Variants in CCDC7 observed in about 807,000 individuals in gnomAD.
CCDC7 encodes the protein coiled-coil domain containing 7.
CCDC7 carries 183 observed loss-of-function variants against 196.9 expected under a neutral mutation model. The ratio of observed to expected loss-of-function variants is 0.93; its 90% CI spans 0.82 to 1.05. The LOEUF (loss-of-function observed/expected upper bound fraction) is 1.05. CCDC7 is among the 50% of genes least tolerant of loss of function. The pLI, the probability that CCDC7 is intolerant of heterozygous loss-of-function variation, is 0.00. For missense variants in CCDC7, 1,540 were observed against 1,482.2 expected (o/e 1.04, Z -0.64); for synonymous variants, 525 against 484.6 (o/e 1.08, Z -1.10).
chr10:32,817,399 T>C (rs998353742), intron 31 of CCDC7, among the ~76,000 whole-genome samples: 1 of 152,200 alleles, frequency 6.6e-6, no homozygotes, highest in Non-Finnish European at 1.5e-5. Context: ...TGGAACCAAG[T>C]TGGAAAACAC....
At chr10:32,710,462 C>A (rs573888671) in intron 24 of CCDC7, among the ~76,000 whole-genome samples, 1 of 152,178 alleles carries the variant, frequency 6.6e-6, no homozygotes. Context: ...TCTCAGAGGC[C>A]GTCTGTTGGA....
At chr10:32,744,949 C>T (rs1238382496) in intron 28 of CCDC7, among the ~76,000 whole-genome samples, 5 of 152,252 alleles carry the variant, frequency 3.3e-5, no homozygotes, top group Admixed American at 1.3e-4. Flanking sequence ...TATAGTTTTC[C>T]ATTTTCTATT....
intron 18 of CCDC7, among the ~76,000 whole-genome samples, chr10:32,588,984 C>G (rs1238807503): frequency 1.3e-5 from 2 of 152,068 alleles, no homozygotes; most frequent in Non-Finnish European, 2.9e-5. Context: ...TCCATCATCT[C>G]AAGCATCTAT....
intron 31 of CCDC7, among the ~76,000 whole-genome samples, chr10:32,820,764 T>C (rs2090002143): frequency 6.6e-6 from 1 of 152,226 alleles, no homozygotes; most frequent in South Asian, 2.1e-4. Context: ...GCTAGCCATA[T>C]GTAGAAAGCT....
exon 39 of CCDC7, chr10:32,848,650 T>C (rs1352876125): frequency 1.3e-6 from 2 of 1,535,448 alleles, no homozygotes; most frequent in Non-Finnish European, 1.8e-6. Context: ...GAAGGTATCT[T>C]TACTAGGAGC....
In CCDC7 at chr10:32,703,942, T is replaced by C. The variant is rs143137968; in HGVS notation, c.2459-7678T>C. 7.4e-3 allele frequency among the ~76,000 whole-genome samples: 1,133 copies of C among 152,144 alleles called. 22 individuals are homozygous for C. Among genetic ancestry groups the C allele is most frequent in the Non-Finnish European group, 0.013 (890 of 67,974 alleles). The stretch of plus-strand genomic sequence containing the variant: ...TAATTTTTTTTCAAGGTTTTTAACT[T>C]CTTTGCCATGGGTTAGAACTTCCTC... On this transcript the variant is annotated intron_variant, in intron 24 of 41. Transcript: ENST00000639629.
At chr10:32,651,607 A>C (rs1417272260) in intron 20 of CCDC7, among the ~76,000 whole-genome samples, 1 of 152,180 alleles carries the variant, frequency 6.6e-6, no homozygotes, top group Non-Finnish European at 1.5e-5. Context: ...CTTACAGACT[A>C]AGAGTATTTA....
chr10:32,735,307 T>G (rs1287921034), intron 28 of CCDC7, among the ~76,000 whole-genome samples: 1 of 152,224 alleles, frequency 6.6e-6, no homozygotes, highest in Non-Finnish European at 1.5e-5. Flanking sequence ...CTGTAGTGTT[T>G]TGCATTCCTA....
chr10:32,672,687 A>C (rs1224716238), intron 21 of CCDC7, among the ~76,000 whole-genome samples: 2 of 152,186 alleles, frequency 1.3e-5, no homozygotes, highest in Non-Finnish European at 2.9e-5. Flanking sequence ...TGGTTCCAGC[A>C]GCATGGCTGA....
intron 41 of CCDC7, among the ~76,000 whole-genome samples, chr10:32,874,753 TACACACACACACAC>T (rs3035173): frequency 2.8e-5 from 4 of 145,244 alleles, no homozygotes; most frequent in Non-Finnish European, 4.5e-5. Context: ...CCAACATATC[TACACACACACACAC>T]ACACACACAC....
At chr10:32,645,451 A>G (rs957684780) in intron 20 of CCDC7, among the ~76,000 whole-genome samples, 1 of 149,230 alleles carries the variant, frequency 6.7e-6, no homozygotes, top group Non-Finnish European at 1.5e-5. Flanking sequence ...ATTCTGCATA[A>G]ATTTTCATCA....
chr10:32,872,810 C>G (rs2094475752), intron 41 of CCDC7, among the ~76,000 whole-genome samples: 1 of 151,996 alleles, frequency 6.6e-6, no homozygotes, highest in African/African-American at 2.4e-5. Context: ...CTTAGTTTGG[C>G]TGGATATGAA....
chr10:32,777,080 G>T (rs1592650964), intron 28 of CCDC7, among the ~76,000 whole-genome samples: 1 of 152,154 alleles, frequency 6.6e-6, no homozygotes, highest in East Asian at 1.9e-4. Flanking sequence ...CAGTCTCTAT[G>T]TCTGTGTTTA....
intron 11 of CCDC7, among the ~76,000 whole-genome samples, chr10:32,542,497 G>T (rs2051627647): frequency 6.6e-6 from 1 of 151,970 alleles, no homozygotes; most frequent in African/African-American, 2.4e-5. Context: ...GCCGGGCGTG[G>T]TGGCGTGCCC....
intron 11 of CCDC7, among the ~76,000 whole-genome samples, chr10:32,532,049 A>C (rs531213247): frequency 1.3e-5 from 2 of 152,058 alleles, no homozygotes; most frequent in East Asian, 3.9e-4. Flanking sequence ...TTTCTGCTTT[A>C]ATCTTCATTA....
chr10:32,842,355 C>T (rs1464402359), intron 33 of CCDC7, among the ~76,000 whole-genome samples: 1 of 152,044 alleles, frequency 6.6e-6, no homozygotes, highest in Non-Finnish European at 1.5e-5. Context: ...CTCAACATCA[C>T]TCATTATCAG....
intron 18 of CCDC7, among the ~76,000 whole-genome samples, chr10:32,586,327 T>G (rs867659165): frequency 1.3e-5 from 2 of 152,168 alleles, no homozygotes; most frequent in African/African-American, 4.8e-5. Flanking sequence ...TGTAGGCTGC[T>G]TGTTCACTCT....
chr10:32,869,421 T>C (rs927603459), intron 41 of CCDC7, among the ~76,000 whole-genome samples: 1 of 152,222 alleles, frequency 6.6e-6, no homozygotes, highest in African/African-American at 2.4e-5. Flanking sequence ...GGGTTGTTTT[T>C]TTCTTGTAAA....
chr10:32,821,508 C>G (rs1382693347), intron 31 of CCDC7, among the ~76,000 whole-genome samples: 2 of 152,158 alleles, frequency 1.3e-5, no homozygotes, highest in Non-Finnish European at 2.9e-5. Context: ...AATACACATG[C>G]ACGCGTATGT....
Sources: allele counts gnomAD v4.1 joint callset (sites outside exome capture counted in the v4.1 genomes callset), GRCh38; gene constraint gnomAD v4.1.1; transcripts MANE v1.5; gene names NCBI Gene and HGNC (gene_info 2026-07-23, HGNC 2026-07-21).